Variants in WWOX observed in about 807,000 individuals in gnomAD.
WWOX encodes the protein WW domain-containing oxidoreductase.
In WWOX, 69 loss-of-function variants were observed where a neutral mutation model predicts 46.2. That is an observed-to-expected ratio of 1.49 (90% confidence interval 1.23 to 1.82). The LOEUF (loss-of-function observed/expected upper bound fraction) is 1.82. Ranked by LOEUF, WWOX falls within the 40% of genes most tolerant of loss-of-function variation. The pLI is 0.00. For synonymous variants in WWOX, 359 were observed against 202.6 expected (o/e 1.77, Z -6.56); for missense variants, 919 against 542.6 (o/e 1.69, Z -6.89).
In WWOX at chr16:78,385,298, C is replaced by A. The variant is rs553247896; in HGVS notation, c.517-1562C>A. Among the ~76,000 whole-genome samples the A allele has an allele frequency of 2.2e-4, 33 of 152,232 alleles. 1 individual carries two copies. Among genetic ancestry groups the A allele is most frequent in the African/African-American group, 7.7e-4 (32 of 41,544 alleles). On this transcript the variant is annotated intron_variant, in intron 5 of 8. Transcript: ENST00000566780. ...TCTGTCCACTGTGCTGGACTATAAC[C>A]CACCCAGACTACCATTTATTGCCAA... is the stretch of plus-strand genomic sequence containing the variant.
At chr16:79,057,992 C>G (rs76981759) in intron 8 of WWOX, among the ~76,000 whole-genome samples, 9 of 151,904 alleles carry the variant, frequency 5.9e-5, no homozygotes, top group Admixed American at 5.2e-4. Flanking sequence ...TTCAAGCTCA[C>G]GATGCTATTC....
At chr16:78,404,348 C>A (rs760703614) in intron 6 of WWOX, among the ~76,000 whole-genome samples, 2 of 152,032 alleles carry the variant, frequency 1.3e-5, no homozygotes, top group Non-Finnish European at 2.9e-5. Context: ...GGTGTGAGAG[C>A]ACAAGGTGAC....
chr16:78,310,274 T>C (rs2080214436), intron 5 of WWOX, among the ~76,000 whole-genome samples: 1 of 152,234 alleles, frequency 6.6e-6, no homozygotes. Context: ...GTATGTGGCT[T>C]TTCTAGAAAC....
In WWOX at chr16:78,751,531, C is replaced by T. The variant is rs570620545; in HGVS notation, c.1056+318779C>T. Among the ~76,000 whole-genome samples the T allele has an allele frequency of 4.1e-5, 6 of 146,444 alleles. No homozygotes were observed. In the Admixed American group the frequency reaches 4.1e-4, roughly 10 times the overall value. On this transcript the variant is annotated intron_variant, in intron 8 of 8. Transcript: ENST00000566780. ...AATATACATGTAAAGACCCAAAACT[C>T]ATATAAAAAGACAAGGTGATACAGC... is the stretch of plus-strand genomic sequence containing the variant.
intron 8 of WWOX, among the ~76,000 whole-genome samples, chr16:78,725,992 C>T (rs919080719): frequency 6.7e-6 from 1 of 150,146 alleles, no homozygotes; most frequent in African/African-American, 2.5e-5. Context: ...CCTTCTCCTC[C>T]TTCTCCTTCT....
In WWOX at chr16:78,619,088, G is replaced by A. The variant is rs1437755859; in HGVS notation, c.1056+186336G>A. ...AGGTGGGAGGATCACTGGAGGTCGG[G>A]AATTTGAAACCAGCCTGGCCAACGT... On this transcript the variant is annotated intron_variant, in intron 8 of 8. Coordinates refer to ENST00000566780, the MANE Select transcript of WWOX (RefSeq NM_016373.4). 1.4e-4 allele frequency among the ~76,000 whole-genome samples: 19 copies of A among 131,258 alleles called. No homozygotes were observed. The East Asian group carries it at 3.5e-3, about 24-fold the overall frequency. The allele number at this position is 131,258 out of a possible 152,430, so 86.1% of individuals were successfully genotyped here. A position where few individuals can be genotyped will look rare whatever the true frequency, so the allele number is the denominator to read the frequency against.
intron 5 of WWOX, among the ~76,000 whole-genome samples, chr16:78,234,147 GAATA>G (rs2037361743): frequency 2.0e-5 from 3 of 151,564 alleles, no homozygotes; most frequent in Admixed American, 2.0e-4. Context: ...CTGGATTTTA[GAATA>G]AATTCACTGT....
At chr16:78,905,090 C>G (rs535621762) in intron 8 of WWOX, among the ~76,000 whole-genome samples, 1 of 152,066 alleles carries the variant, frequency 6.6e-6, no homozygotes, top group Non-Finnish European at 1.5e-5. Context: ...TTCTTGGGGT[C>G]ACTTAAAACA....
intron 8 of WWOX, among the ~76,000 whole-genome samples, chr16:78,983,938 C>T (rs12447117): frequency 0.8 from 113,671 of 142,950 alleles, 45,323 homozygotes; most frequent in Non-Finnish European, 0.85. Flanking sequence ...AGTGCAGTGG[C>T]GCAGTCTCAG....
chr16:79,163,601 C>T (rs535865079), intron 8 of WWOX, among the ~76,000 whole-genome samples: 1 of 152,176 alleles, frequency 6.6e-6, no homozygotes, highest in African/African-American at 2.4e-5. Context: ...GAGTTCAAGA[C>T]TAGCCTGCCC....
At chr16:78,314,529 T>G (rs543139098) in intron 5 of WWOX, among the ~76,000 whole-genome samples, 15 of 148,606 alleles carry the variant, frequency 1.0e-4, no homozygotes, top group Admixed American at 8.0e-4. Context: ...TTGTGGGGTT[T>G]TTTTTTTTTT....
intron 5 of WWOX, among the ~76,000 whole-genome samples, chr16:78,169,797 G>C (rs11150048): frequency 0.093 from 14,081 of 152,082 alleles, 951 homozygotes; most frequent in East Asian, 0.27. Context: ...GGGAGGCAGG[G>C]GCGGTGGATT....
At chr16:78,503,049 A>G (rs1050197984) in intron 8 of WWOX, among the ~76,000 whole-genome samples, 1 of 152,184 alleles carries the variant, frequency 6.6e-6, no homozygotes, top group Non-Finnish European at 1.5e-5. Flanking sequence ...CATTTAATGT[A>G]TTTGAGCCTT....
chr16:79,030,595 G>A (rs2047733615), intron 8 of WWOX, among the ~76,000 whole-genome samples: 1 of 152,186 alleles, frequency 6.6e-6, no homozygotes, highest in Non-Finnish European at 1.5e-5. Flanking sequence ...CTCATTTAAG[G>A]TTTGGCTTCT....
chr16:78,670,142 C>T (rs1003553645), intron 8 of WWOX, among the ~76,000 whole-genome samples: 21 of 152,156 alleles, frequency 1.4e-4, no homozygotes, highest in African/African-American at 4.8e-4. Context: ...TAGAGGCCAG[C>T]TGAGCTCTTA....
intron 4 of WWOX, among the ~76,000 whole-genome samples, chr16:78,147,240 A>G (rs1217889638): frequency 6.6e-6 from 1 of 152,076 alleles, no homozygotes; most frequent in Non-Finnish European, 1.5e-5. Context: ...ATTAAACTCA[A>G]TTTGCTTTAA....
intron 8 of WWOX, among the ~76,000 whole-genome samples, chr16:78,791,783 G>A (rs1310421612): frequency 6.6e-6 from 1 of 152,078 alleles, no homozygotes; most frequent in Non-Finnish European, 1.5e-5. Context: ...GGAAGGCTGA[G>A]GCGGGAGAAT....
intron 8 of WWOX, among the ~76,000 whole-genome samples, chr16:79,072,081 G>C (rs568472738): frequency 6.6e-6 from 1 of 152,252 alleles, no homozygotes; most frequent in African/African-American, 2.4e-5. Flanking sequence ...CTAGGAGTTT[G>C]AGACCAGCTT....
intron 8 of WWOX, among the ~76,000 whole-genome samples, chr16:78,906,334 G>T (rs976881657): frequency 6.6e-6 from 1 of 152,134 alleles, no homozygotes; most frequent in Non-Finnish European, 1.5e-5. Flanking sequence ...TTGTTACTGG[G>T]CAAAGAAAGC....
Sources: gnomAD v4.1 joint callset for allele counts (sites outside exome capture counted in the v4.1 genomes callset) on GRCh38, gnomAD v4.1.1 for gene constraint, MANE v1.5 for transcripts, NCBI Gene and HGNC (gene_info 2026-07-23, HGNC 2026-07-21) for gene names.